The following CATSPER2 variants were observed in gnomAD, a reference collection of about 807,000 sequenced individuals.
The protein encoded by CATSPER2 is cation channel sperm associated 2.
A neutral mutation model predicts 68.8 loss-of-function variants in CATSPER2; 56 were observed. The ratio of observed to expected loss-of-function variants is 0.81; its 90% CI spans 0.66 to 1.02. The LOEUF (loss-of-function observed/expected upper bound fraction) is 1.02. Ranked by LOEUF, CATSPER2 falls within the 50% of genes least tolerant of loss-of-function variation. CATSPER2 has a pLI of 0.00. For synonymous variants in CATSPER2, 198 were observed against 229.9 expected, an observed-to-expected ratio of 0.86 and a Z score of 1.26; for missense variants, 582 against 642.0, an observed-to-expected ratio of 0.91 and a Z score of 1.01.
In CATSPER2 at chr15:43,647,611, T is replaced by C. The variant is rs2086194756; in HGVS notation, c.146-144A>G. On this transcript the variant is annotated intron_variant, in intron 2 of 12. Coordinates refer to ENST00000396879, the MANE Select transcript of CATSPER2 (RefSeq NM_172095.4). The stretch of plus-strand genomic sequence containing the variant: ...CTCTTCTCACAGCAACTAAGAATTC[T>C]GTTTGGAGTGAGAGCAAATGTATTG... 4.8e-6 allele frequency: 4 copies of C among 829,056 alleles called. 1 individual carries two copies. The Admixed American group carries it at 7.6e-5, about 16-fold the overall frequency. 51.4% of individuals were successfully genotyped at this position (829,056 alleles called of 1,614,324 possible).
At chr15:43,636,320 T>A (rs1039747455) in intron 7 of CATSPER2, 101 bp from the exon 8 acceptor site, 2 of 1,488,046 alleles carry the variant, frequency 1.3e-6, no homozygotes, top group African/African-American at 2.8e-5. Flanking sequence ...TTCTTTGTAG[T>A]TTGTTCTGAT....
At chr15:43,639,994 G>A in intron 5 of CATSPER2, 196 bp from the exon 6 acceptor site, 3 of 1,450,844 alleles carry the variant, frequency 2.1e-6, no homozygotes, top group Non-Finnish European at 2.7e-6. Context: ...GATATAAAAA[G>A]GGGGATAAAA....
At chr15:43,637,540 C>T (rs1237239818) in intron 7 of CATSPER2, 1 of 151,834 alleles carries the variant, frequency 6.6e-6, no homozygotes, top group South Asian at 2.1e-4. Context: ...GAGGCACTGA[C>T]AAGATTGAAT....
At chr15:43,643,050 T>C (rs1016862489) in intron 4 of CATSPER2, 2 of 151,908 alleles carry the variant, frequency 1.3e-5, no homozygotes, top group Admixed American at 1.3e-4. Context: ...TGACAGACAG[T>C]AGCCATTTGA....
rs751517231 is a variant in CATSPER2, at chr15:43,647,458, C to T, written c.155G>A (p.Arg52His). 1.4e-5 allele frequency: 23 copies of T among 1,610,734 alleles called. No homozygotes were observed. The highest frequency in any genetic ancestry group is 4.1e-5 in the African/African-American group (3 of 73,950). The change falls in exon 3 of 13, where the codon CGC becomes CAC. Residue 52 changes from arginine to histidine, a missense_variant. By Grantham distance (29) the Arg-to-His change is conservative. Transcript: ENST00000396879. ...HTIRELLDPS[R>H]QKKLVLGDQH... is the part of the protein sequence containing the mutation. ...ATCTCCCAATACAAGTTTCTTCTGG[C>T]GGGAAGGATCTACAACAAAAATTAA...
Position 43,640,342 on chromosome 15 carries a change from G to C in CATSPER2, c.543C>G (p.Asp181Glu). Residue 181 changes from aspartate (D) to glutamate (E), a missense_variant, in exon 5 of 13, where the codon GAC becomes GAG. Transcript: ENST00000396879. ...TCCTTACCAACATGGTAACAACAAA[G>C]TCAAAGACATTCCAGGCACTCTTCC... ...VFWKSAWNVF[D>E]FVVTMLSLLP... 1 of 1,611,820 alleles carries C rather than the reference G, an allele frequency of 6.2e-7. No homozygotes were observed. The highest frequency in any genetic ancestry group is 8.5e-7 in the Non-Finnish European group (1 of 1,178,494).
rs190515192 is a variant in CATSPER2 at position 43,647,851 on chromosome 15, C to T, written c.145+66G>A. ...AACTAAACCTCCCCAGAATTTTCCA[C>T]TCTTAAATGTAGAGGATGTGGATAG... On this transcript the variant is annotated intron_variant, in intron 2 of 12. Coordinates refer to ENST00000396879, the MANE Select transcript of CATSPER2 (RefSeq NM_172095.4). 4.3e-5 allele frequency: 67 copies of T among 1,564,266 alleles called. 1 individual carries two copies. In the African/African-American group the frequency reaches 7.8e-4, roughly 18 times the overall value.
chr15:43,641,199 C>T (rs1160537344), intron 4 of CATSPER2, among the ~76,000 whole-genome samples: 2 of 151,418 alleles, frequency 1.3e-5, no homozygotes. Context: ...TCACTGCAAC[C>T]TCCACCTCCG....
At chr15:43,639,839 G>A in intron 5 of CATSPER2, 41 bp from the exon 6 acceptor site, 1 of 1,607,594 alleles carries the variant, frequency 6.2e-7, no homozygotes, top group Admixed American at 1.7e-5. Context: ...TACACCCCAA[G>A]GCACCCAGGC....
At chr15:43,640,058 A>T (rs1007767984) in intron 5 of CATSPER2, 3 of 1,439,588 alleles carry the variant, frequency 2.1e-6, no homozygotes, top group Non-Finnish European at 2.7e-6. Flanking sequence ...AATGTAAGGA[A>T]AACACTTAAA....
Position 43,637,618 on chromosome 15 carries a change from T to C in CATSPER2, c.842+1286A>G, listed in dbSNP as rs1478107855. ...TTTTCTTCTAGAAAACACTGATTAG[T>C]GGTTTAATATTTAAAAAATATGTAA... On this transcript the variant is annotated intron_variant, in intron 7 of 12. Coordinates refer to ENST00000396879, the MANE Select transcript of CATSPER2 (RefSeq NM_172095.4). The C allele has an allele frequency of 2.6e-5, 4 of 152,154 alleles. No homozygotes were observed. The East Asian group carries it at 5.8e-4, about 22-fold the overall frequency. 9.4% of individuals were successfully genotyped at this position (152,154 alleles called of 1,614,324 possible). A position where few individuals can be genotyped will look rare whatever the true frequency, so the allele number is the denominator to read the frequency against.
Position 43,632,240 on chromosome 15 carries a change from T to C in CATSPER2, c.1520A>G (p.Gln507Arg). 2 of 1,613,756 alleles carry C rather than the reference T, an allele frequency of 1.2e-6. No homozygotes were observed. The highest frequency in any genetic ancestry group is 1.7e-6 in the Non-Finnish European group (2 of 1,179,808). Reference sequence around the variant, plus strand: ...CTTCTTACGTTCCTCTAGGTTATACTGAAGCTTTTCTAGCAACTCAAAATA... The same window carrying C: ...CTTCTTACGTTCCTCTAGGTTATACCGAAGCTTTTCTAGCAACTCAAAATA... ...FRYFELLEKL[Q>R]YNLEERKKLQ... Residue 507 changes from glutamine to arginine, a missense_variant, in exon 12 of 13, where the codon CAG becomes CGG. Physicochemically the swap from Gln to Arg is conservative, Grantham distance 43. Coordinates refer to ENST00000396879, the MANE Select transcript of CATSPER2 (RefSeq NM_172095.4).
At position 43,640,502 on chromosome 15, in the gene CATSPER2, A is replaced by C; in HGVS notation, c.389-6T>G. 6.2e-7 allele frequency: 1 copy of C among 1,613,116 alleles called. No individual in the cohort carries two copies. The highest frequency in any genetic ancestry group is 1.1e-5 in the South Asian group (1 of 91,034). ...ATTTGTGGATTCCAGCAATTCTGTG[A>C]AGATAGAGCAAAGGAGGAATAAAAG... On this transcript the variant is annotated splice_polypyrimidine_tract_variant and splice_region_variant and intron_variant, in intron 4 of 12. Coordinates refer to ENST00000396879, the MANE Select transcript of CATSPER2 (RefSeq NM_172095.4).
Position 43,632,317 on chromosome 15 carries a change from TA to T in CATSPER2, c.1442del (p.Leu481GlnfsTer23), listed in dbSNP as rs1461195100. ...ETLVHENLPG[L>X]MEMDQDDRVW... ...CACGGTCATCCTGATCCATTTCCAT[TA>T]GCCCGGGCAGATTTTCGTGCACAAG... On this transcript the variant is annotated frameshift_variant, in exon 12 of 13. Transcript: ENST00000396879. LOFTEE classifies it high-confidence loss of function. The T allele has an allele frequency of 6.8e-6, 11 of 1,613,568 alleles. No individual in the cohort carries two copies. The highest frequency in any genetic ancestry group is 9.3e-6 in the Non-Finnish European group (11 of 1,179,862).
At chr15:43,648,174 T>A in intron 1 of CATSPER2, 111 bp from the exon 2 acceptor site, 1 of 1,251,064 alleles carries the variant, frequency 8.0e-7, no homozygotes, top group Non-Finnish European at 1.2e-6. Context: ...GATTCCTTAA[T>A]GTACCCACAT....
At position 43,648,664 on chromosome 15, in the gene CATSPER2, T is replaced by C. The variant is rs2086219017; in HGVS notation, c.-38A>G. The stretch of plus-strand genomic sequence containing the variant: ...GTTCTCTTTGCCCACTCAGTCCTTA[T>C]TTCACGCTTCCGCCTCCAGCTCAGG... On this transcript the variant is annotated 5_prime_UTR_variant, in exon 1 of 13. Transcript: ENST00000396879. 4 of 1,420,268 alleles carry C rather than the reference T, an allele frequency of 2.8e-6. No homozygotes were observed. Among genetic ancestry groups the C allele is most frequent in the South Asian group, 1.5e-5 (1 of 67,178 alleles). The allele number at this position is 1,420,268 out of a possible 1,614,324, so 88.0% of individuals were successfully genotyped here. A position where few individuals can be genotyped will look rare whatever the true frequency, so the allele number is the denominator to read the frequency against.
In CATSPER2 at chr15:43,633,186, A is replaced by G; in HGVS notation, c.1179-252T>C. 9.8e-6 allele frequency: 5 copies of G among 507,874 alleles called. No individual in the cohort carries two copies. The East Asian group carries it at 1.8e-4, about 18-fold the overall frequency. 31.5% of individuals were successfully genotyped at this position (507,874 alleles called of 1,614,324 possible). A position where few individuals can be genotyped will look rare whatever the true frequency, so the allele number is the denominator to read the frequency against. On this transcript the variant is annotated intron_variant, in intron 10 of 12. Coordinates refer to ENST00000396879, the MANE Select transcript of CATSPER2 (RefSeq NM_172095.4). Reference sequence around the variant, plus strand: ...CTACCTTCGAAATATATCTTTTCTCAATAACTCACTGCCACCACTCTGGCC... The same window carrying G: ...CTACCTTCGAAATATATCTTTTCTCGATAACTCACTGCCACCACTCTGGCC...
intron 2 of CATSPER2, 26 bp downstream of exon 2, chr15:43,647,891 A>C (rs1200021206): frequency 6.2e-7 from 1 of 1,611,874 alleles, no homozygotes; most frequent in South Asian, 1.1e-5. Flanking sequence ...CTTAAATTTA[A>C]ATTAGTGAAG....
In CATSPER2 at chr15:43,648,836, C is replaced by G. The variant is rs1021254264; in HGVS notation, c.-210G>C. The G allele has an allele frequency of 4.6e-6, 7 of 1,528,978 alleles. No individual in the cohort carries two copies. The highest frequency in any genetic ancestry group is 6.1e-6 in the Non-Finnish European group (7 of 1,142,218). The allele number at this position is 1,528,978 out of a possible 1,614,324, so 94.7% of individuals were successfully genotyped here. On this transcript the variant is annotated 5_prime_UTR_variant, in exon 1 of 13. Transcript: ENST00000396879. ...CCCCTACCCACAGCCCAGGACCATG[C>G]GGAGCAACGCTCGCCCAGCCACTCG...
Sources: gnomAD v4.1 joint callset for allele counts (sites outside exome capture counted in the v4.1 genomes callset) on GRCh38, gnomAD v4.1.1 for gene constraint, MANE v1.5 for transcripts, NCBI Gene and HGNC (gene_info 2026-07-23, HGNC 2026-07-21) for gene names.